Variants in MYBPC2 observed in about 807,000 individuals in gnomAD.
MYBPC2 encodes the protein myosin-binding protein C, fast-type.
MYBPC2 carries 122 observed loss-of-function variants against 137.0 expected under a neutral mutation model. The observed-to-expected ratio is 0.89, with a 90% CI of 0.77 to 1.03. The LOEUF (loss-of-function observed/expected upper bound fraction) is 1.03, where lower values mean the gene tolerates loss of function less well. MYBPC2 is among the 50% of genes least tolerant of loss of function. MYBPC2 has a pLI of 0.00. For missense variants in MYBPC2, 1,500 were observed against 1,534.4 expected (o/e 0.98, Z 0.37); for synonymous variants, 626 against 612.3 (o/e 1.02, Z -0.33).
intron 11 of MYBPC2, among the ~76,000 whole-genome samples, chr19:50,444,395 C>T (rs1414547131): frequency 1.3e-5 from 2 of 152,150 alleles, no homozygotes; most frequent in African/African-American, 2.4e-5. Context: ...ATTTAGGTTG[C>T]CATCTAGCCA....
chr19:50,453,883 A>T, intron 16 of MYBPC2, 137 bp from the exon 17 acceptor site: 1 of 971,486 alleles, frequency 1.0e-6, no homozygotes, highest in African/African-American at 1.6e-5. Context: ...GAGGGCGAGG[A>T]GGGCAGTGGA....
rs770608151 is a variant in MYBPC2 at position 50,443,768 on chromosome 19, G to A, written c.1085G>A (p.Arg362Gln). The A allele has an allele frequency of 3.1e-6, 5 of 1,613,772 alleles. No homozygotes were observed. The highest frequency in any genetic ancestry group is 4.5e-5 in the East Asian group (2 of 44,894). The change falls in exon 11 of 28, where the codon CGG becomes CAG. Residue 362 changes from arginine to glutamine, a missense_variant. Physicochemically the swap from Arg to Gln is conservative, Grantham distance 43. Transcript: ENST00000357701. Reference protein sequence around the residue: ...LEDQQVFVGDRVEMAVEVSEE... With the variant: ...LEDQQVFVGDQVEMAVEVSEE... ...GACCAGCAGGTGTTTGTGGGTGACC[G>A]GGTGGAAATGGCAGTGGAGGTGTCA...
chr19:50,456,035 TC>T (rs1324297867), intron 20 of MYBPC2, among the ~76,000 whole-genome samples: 1 of 151,716 alleles, frequency 6.6e-6, no homozygotes, highest in African/African-American at 2.4e-5. Flanking sequence ...CATCTGTACA[TC>T]CATCCATCCA....
intron 12 of MYBPC2, among the ~76,000 whole-genome samples, chr19:50,446,836 A>G (rs1223549758): frequency 2.7e-5 from 4 of 150,716 alleles, no homozygotes; most frequent in Admixed American, 2.6e-4. Context: ...AAAAAAAAAA[A>G]ATTAGCCGAG....
chr19:50,461,582 GT>G lies in MYBPC2; in HGVS notation c.2973del (p.Cys991Ter), dbSNP rs755180249. The G allele has an allele frequency of 1.2e-6, 2 of 1,613,698 alleles. No individual in the cohort carries two copies. The highest frequency in any genetic ancestry group is 2.7e-5 in the African/African-American group (2 of 74,980). On this transcript the variant is annotated frameshift_variant, in exon 25 of 28. Coordinates refer to ENST00000357701, the MANE Select transcript of MYBPC2 (RefSeq NM_004533.4). LOFTEE classifies it high-confidence loss of function. Reference sequence around the variant, plus strand: ...TATGAACGTAACAGGCACACTAGCTGTACTGTGTCCGACCTTATCGTGGGCA... The same window carrying G: ...TATGAACGTAACAGGCACACTAGCTGACTGTGTCCGACCTTATCGTGGGCA... ...NVYERNRHTS[C>X]TVSDLIVGNE...
rs1205476679 is a variant in MYBPC2, at chr19:50,466,167, G to A, written c.3416-28G>A. 6.2e-7 allele frequency: 1 copy of A among 1,613,372 alleles called. No homozygotes were observed. Among genetic ancestry groups the A allele is most frequent in the South Asian group, 1.1e-5 (1 of 91,006 alleles). The stretch of plus-strand genomic sequence containing the variant: ...TCAGGAGGAGGCGTGCCCGGGCCTG[G>A]CTCACCCGCTTTCTCGTTTTCCTGC... On this transcript the variant is annotated intron_variant, in intron 27 of 27. Transcript: ENST00000357701. The surrounding 1 kb of genome is among the most constrained non-coding windows in gnomAD (Gnocchi z 4.9).
chr19:50,447,179 T>C (rs2039813908), intron 12 of MYBPC2, among the ~76,000 whole-genome samples: 1 of 151,878 alleles, frequency 6.6e-6, no homozygotes. Flanking sequence ...ATAAGTGAGA[T>C]GGTGAAAAGA....
At chr19:50,434,886 CG>C (rs2039687538) in intron 1 of MYBPC2, among the ~76,000 whole-genome samples, 1 of 152,074 alleles carries the variant, frequency 6.6e-6, no homozygotes, top group South Asian at 2.1e-4. Context: ...GTGGCCTGGG[CG>C]GATGGGGCAG....
chr19:50,456,888 C>G (rs187419036), intron 20 of MYBPC2, among the ~76,000 whole-genome samples: 7 of 152,320 alleles, frequency 4.6e-5, no homozygotes, highest in African/African-American at 1.2e-4. Flanking sequence ...CATACATCCA[C>G]TCTCCATCCT....
chr19:50,464,257 G>A (rs2039994631), intron 26 of MYBPC2, 89 bp from the exon 27 acceptor site: 20 of 1,232,702 alleles, frequency 1.6e-5, no homozygotes, highest in Non-Finnish European at 1.7e-5. Context: ...GCAGAGCCTA[G>A]AACCCAGATC....
chr19:50,442,404 G>A, intron 9 of MYBPC2, 91 bp downstream of exon 9: 1 of 1,508,200 alleles, frequency 6.6e-7, no homozygotes, highest in Non-Finnish European at 8.9e-7. Context: ...AACCAGAAAG[G>A]GCATATTCAC....
Position 50,437,727 on chromosome 19 carries a change from C to CGG in MYBPC2, c.572+10_572+11dup. 6.3e-7 allele frequency: 1 copy of CGG among 1,598,880 alleles called. No homozygotes were observed. Among genetic ancestry groups the CGG allele is most frequent in the Non-Finnish European group, 8.5e-7 (1 of 1,172,784 alleles). On this transcript the variant is annotated intron_variant, in intron 7 of 27. Transcript: ENST00000357701. The stretch of plus-strand genomic sequence containing the variant: ...GGCCTGTTGAAGAAGAGGTGAGCCC[C>CGG]GGACTTGGCACAGAGAGGGGAGATG...
In MYBPC2 at chr19:50,466,172, C is replaced by A; in HGVS notation, c.3416-23C>A. ...AGGAGGCGTGCCCGGGCCTGGCTCA[C>A]CCGCTTTCTCGTTTTCCTGCAGTGC... On this transcript the variant is annotated intron_variant, in intron 27 of 27. Coordinates refer to ENST00000357701, the MANE Select transcript of MYBPC2 (RefSeq NM_004533.4). This position sits in a 1 kb window ranked among gnomAD's most constrained non-coding sequence, Gnocchi z 4.9. 1.2e-6 allele frequency: 2 copies of A among 1,613,668 alleles called. No individual in the cohort carries two copies. The highest frequency in any genetic ancestry group is 2.2e-5 in the South Asian group (2 of 91,038).
At position 50,450,853 on chromosome 19, in the gene MYBPC2, C is replaced by T. The variant is rs189407265; in HGVS notation, c.1497C>T (p.Asp499=). The part of the protein sequence containing the change: ...VGRFHKLVID[D]VRPEDEGDYT... The stretch of plus-strand genomic sequence containing the variant: ...GGTTCCACAAGCTGGTGATCGATGA[C>T]GTCCGCCCCGAGGATGAGGGAGACT... Residue 499 remains aspartate, a synonymous_variant, in exon 14 of 28, where the codon GAC becomes GAT. Transcript: ENST00000357701. 272 of 1,575,228 alleles carry T rather than the reference C, an allele frequency of 1.7e-4. 1 individual carries two copies. In the African/African-American group the frequency reaches 3.2e-3, roughly 18 times the overall value.
intron 9 of MYBPC2, among the ~76,000 whole-genome samples, chr19:50,443,153 A>G (rs2039771371): frequency 6.6e-6 from 1 of 152,022 alleles, no homozygotes; most frequent in Non-Finnish European, 1.5e-5. Context: ...ATTAGAAGAT[A>G]CCAAGAAAAG....
intron 9 of MYBPC2, 71 bp from the exon 10 acceptor site, chr19:50,443,423 A>G: frequency 6.4e-7 from 1 of 1,554,142 alleles, no homozygotes; most frequent in Non-Finnish European, 8.7e-7. Flanking sequence ...CCTTGAGAAC[A>G]GGTAAGCAGA....
chr19:50,443,592 A>G lies in MYBPC2; in HGVS notation c.1001A>G (p.Lys334Arg). 6.2e-7 allele frequency: 1 copy of G among 1,613,454 alleles called. No individual in the cohort carries two copies. The highest frequency in any genetic ancestry group is 8.5e-7 in the Non-Finnish European group (1 of 1,179,630). Reference protein sequence around the residue: ...AAYEVAVKDEKCFTELFVKEP... With the variant: ...AAYEVAVKDERCFTELFVKEP... ...TATGAAGTAGCTGTCAAGGATGAGAAGTGTTTCACCGAGCTCTTCGTCAAA... is the reference window on the plus strand; with the variant it reads ...TATGAAGTAGCTGTCAAGGATGAGAGGTGTTTCACCGAGCTCTTCGTCAAA... Residue 334 changes from lysine to arginine, a missense_variant, in exon 10 of 28, where the codon AAG becomes AGG. Physicochemically the swap from Lys to Arg is conservative, Grantham distance 26 (BLOSUM62 2). Transcript: ENST00000357701.
intron 20 of MYBPC2, among the ~76,000 whole-genome samples, chr19:50,458,234 T>A (rs373409501): frequency 8.1e-5 from 12 of 147,284 alleles, no homozygotes; most frequent in African/African-American, 2.8e-4. Context: ...TACTTGAACC[T>A]GGGAGGCGGA....
At chr19:50,444,828 C>T (rs1014422694) in intron 11 of MYBPC2, among the ~76,000 whole-genome samples, 1 of 144,282 alleles carries the variant, frequency 6.9e-6, no homozygotes, top group Non-Finnish European at 1.5e-5. Context: ...TGCAGTGAGC[C>T]GAGATCGCGC....
Sources: gnomAD v4.1 joint callset for allele counts (sites outside exome capture counted in the v4.1 genomes callset) on GRCh38, gnomAD v4.1.1 for gene constraint, Gnocchi (gnomAD v3.1) non-coding constraint, MANE v1.5 for transcripts, NCBI Gene and HGNC (gene_info 2026-07-23, HGNC 2026-07-21) for gene names.